The following CENPW variants were observed in gnomAD, a reference collection of about 807,000 sequenced individuals.
CENPW encodes centromere protein W.
CENPW carries 3 observed loss-of-function variants against 11.1 expected under a neutral mutation model. The ratio of observed to expected loss-of-function variants is 0.27; its 90% CI spans 0.12 to 0.70. CENPW has a LOEUF of 0.70. CENPW is among the 30% of genes least tolerant of loss of function. The pLI, the probability that CENPW is intolerant of heterozygous loss-of-function variation, is 0.77. For missense variants in CENPW, 100 were observed against 105.6 expected, an observed-to-expected ratio of 0.95 and a Z score of 0.23; for synonymous variants, 38 against 42.0, an observed-to-expected ratio of 0.91 and a Z score of 0.37.
At chr6:126,482,394 TTTATG>T in the CENPW span, among the ~76,000 whole-genome samples, 1 of 151,976 alleles carries the variant, frequency 6.6e-6, no homozygotes, top group Non-Finnish European at 1.5e-5. Flanking sequence ...ATTTCAATCT[TTTATG>T]GTAAGTGCTA....
At chr6:126,437,867 G>A in the CENPW span, among the ~76,000 whole-genome samples, 1 of 151,650 alleles carries the variant, frequency 6.6e-6, no homozygotes, top group Non-Finnish European at 1.5e-5. Flanking sequence ...GATAGTAGAA[G>A]GTTAGCTTTA....
chr6:126,428,428 G>T, the CENPW span, among the ~76,000 whole-genome samples: 6 of 152,040 alleles, frequency 3.9e-5, no homozygotes, highest in East Asian at 1.2e-3. Flanking sequence ...CCATGGTATA[G>T]GTGTAAATAT....
chr6:126,482,735 A>G, the CENPW span, among the ~76,000 whole-genome samples: 3 of 152,034 alleles, frequency 2.0e-5, no homozygotes, highest in Admixed American at 2.0e-4. Context: ...TTTCCTCACC[A>G]TCTTAATTAT....
At chr6:126,455,419 T>G in the CENPW span, among the ~76,000 whole-genome samples, 1 of 151,452 alleles carries the variant, frequency 6.6e-6, no homozygotes, top group Non-Finnish European at 1.5e-5. Context: ...TTTCAACATA[T>G]GCAAATCAAT....
chr6:126,354,579 C>T, the CENPW span, among the ~76,000 whole-genome samples: 1 of 152,058 alleles, frequency 6.6e-6, no homozygotes, highest in Non-Finnish European at 1.5e-5. Context: ...AAAAACTGAC[C>T]TTGTAATTAA....
the CENPW span, among the ~76,000 whole-genome samples, chr6:126,432,404 T>A: frequency 6.6e-6 from 1 of 152,218 alleles, no homozygotes; most frequent in African/African-American, 2.4e-5. Context: ...GTCTCTGTTG[T>A]CTTCCTACTG....
At chr6:126,362,276 G>A in the CENPW span, among the ~76,000 whole-genome samples, 1 of 152,262 alleles carries the variant, frequency 6.6e-6, no homozygotes, top group South Asian at 2.1e-4. Context: ...AAGCTCATGG[G>A]CTCTGTGCCA....
chr6:126,459,266 G>C, the CENPW span, among the ~76,000 whole-genome samples: 2 of 151,180 alleles, frequency 1.3e-5, no homozygotes, highest in African/African-American at 4.8e-5. Flanking sequence ...CAATTTGCTA[G>C]AGAGTCTATA....
At chr6:126,412,680 C>T in the CENPW span, among the ~76,000 whole-genome samples, 3 of 152,090 alleles carry the variant, frequency 2.0e-5, no homozygotes, top group Admixed American at 6.6e-5. Flanking sequence ...TGTCATTATG[C>T]CTACATTTAT....
chr6:126,382,246 T>C, the CENPW span, among the ~76,000 whole-genome samples: 1 of 149,664 alleles, frequency 6.7e-6, no homozygotes, highest in Non-Finnish European at 1.5e-5. Context: ...AAAAAAAATA[T>C]ATATATATAT....
chr6:126,385,132 G>A, the CENPW span, among the ~76,000 whole-genome samples: 8 of 152,142 alleles, frequency 5.3e-5, no homozygotes, highest in South Asian at 1.2e-3. Context: ...AGGTTGCAAA[G>A]AGGGAATACT....
the CENPW span, among the ~76,000 whole-genome samples, chr6:126,449,188 C>T: frequency 6.6e-6 from 1 of 151,038 alleles, no homozygotes; most frequent in African/African-American, 2.4e-5. Context: ...CAAATATACT[C>T]CACCTCCACT....
Position 126,340,231 on chromosome 6 carries a change from A to G in CENPW, c.-43A>G. ...TCCCCGGAGCTTGTGTGCGATACAG[A>G]GAGCACCTCGGAAGCTGAGGCAGCT... On this transcript the variant is annotated 5_prime_UTR_variant, in exon 1 of 3. Transcript: ENST00000368328. 1 of 1,600,234 alleles carries G rather than the reference A, an allele frequency of 6.2e-7. No individual in the cohort carries two copies. Among genetic ancestry groups the G allele is most frequent in the Non-Finnish European group, 8.5e-7 (1 of 1,169,606 alleles).
chr6:126,414,061 A>T, the CENPW span, among the ~76,000 whole-genome samples: 1 of 152,148 alleles, frequency 6.6e-6, no homozygotes, highest in African/African-American at 2.4e-5. Flanking sequence ...TAAAAGACTA[A>T]AAAAAGACTA....
chr6:126,440,589 A>C, the CENPW span, among the ~76,000 whole-genome samples: 1 of 151,554 alleles, frequency 6.6e-6, no homozygotes, highest in Non-Finnish European at 1.5e-5. Flanking sequence ...TATAGAGAAC[A>C]TGTTATAGAT....
chr6:126,366,580 T>G, the CENPW span, among the ~76,000 whole-genome samples: 1 of 152,180 alleles, frequency 6.6e-6, no homozygotes, highest in Non-Finnish European at 1.5e-5. Context: ...TATGAATAGT[T>G]TCTGAATTTT....
the CENPW span, among the ~76,000 whole-genome samples, chr6:126,388,407 A>G: frequency 6.6e-6 from 1 of 151,976 alleles, no homozygotes; most frequent in Non-Finnish European, 1.5e-5. Context: ...ATCTAATTTT[A>G]CTGAACTGAT....
the CENPW span, among the ~76,000 whole-genome samples, chr6:126,472,229 AC>A: frequency 2.6e-5 from 4 of 152,200 alleles, no homozygotes; most frequent in Non-Finnish European, 5.9e-5. Flanking sequence ...ATATGTATAC[AC>A]CCATGAAAAC....
chr6:126,446,293 T>G, the CENPW span, among the ~76,000 whole-genome samples: 1 of 150,976 alleles, frequency 6.6e-6, no homozygotes, highest in Non-Finnish European at 1.5e-5. Flanking sequence ...AGTTTTTGTG[T>G]TTTTCCTTCT....
Sources: allele counts gnomAD v4.1 joint callset (sites outside exome capture counted in the v4.1 genomes callset), GRCh38; gene constraint gnomAD v4.1.1; transcripts MANE v1.5; gene names NCBI Gene and HGNC (gene_info 2026-07-23, HGNC 2026-07-21).